The following ACOX1 variants were observed in gnomAD, a reference collection of about 807,000 sequenced individuals.
ACOX1 encodes the protein acyl-CoA oxidase 1.
ACOX1 carries 41 observed loss-of-function variants against 75.5 expected under a neutral mutation model. The ratio of observed to expected loss-of-function variants is 0.54; its 90% CI spans 0.42 to 0.70. The LOEUF is 0.70. ACOX1 is among the 30% of genes least tolerant of loss of function. ACOX1 has a pLI of 0.00. For synonymous variants in ACOX1, 303 were observed against 298.8 expected (o/e 1.01, Z -0.15); for missense variants, 630 against 837.5 (o/e 0.75, Z 3.06).
chr17:75,951,454 G>A lies in ACOX1; in HGVS notation c.1068C>T (p.Asn356=), dbSNP rs374533122. ...TCAGGTCCCCTTGACCAATGCCTTC[G>A]TTAATCCGGTGATAGGTCTCCTTCA... is the stretch of plus-strand genomic sequence containing the variant. The part of the protein sequence containing the change: ...AYMKETYHRI[N]EGIGQGDLSE... Residue 356 remains asparagine, a synonymous_variant, in exon 8 of 14, where the codon AAC becomes AAT. Transcript: ENST00000293217. The A allele has an allele frequency of 9.9e-5, 160 of 1,614,126 alleles. 2 individuals are homozygous for A. In the South Asian group the frequency reaches 1.4e-3, roughly 14 times the overall value.
chr17:75,949,997 T>C (rs2065759762), intron 9 of ACOX1, 100 bp from the exon 10 acceptor site: 3 of 1,308,892 alleles, frequency 2.3e-6, no homozygotes, highest in East Asian at 4.8e-5. Flanking sequence ...TGGAGTGCAA[T>C]GGCCAGATCT....
intron 4 of ACOX1, 111 bp downstream of exon 4, chr17:75,957,348 T>C: frequency 1.0e-6 from 1 of 999,544 alleles, no homozygotes; most frequent in Admixed American, 1.8e-5. Flanking sequence ...CCCAAAGTGT[T>C]AGGATTTCAC....
At chr17:75,949,636 T>C (rs1486978505) in intron 10 of ACOX1, 36 bp from the exon 11 acceptor site, 1 of 1,612,980 alleles carries the variant, frequency 6.2e-7, no homozygotes, top group African/African-American at 1.3e-5. Context: ...GAGGAAATGA[T>C]CAACAGTACT....
chr17:75,971,327 A>G (rs2065992473), intron 2 of ACOX1, among the ~76,000 whole-genome samples: 1 of 152,072 alleles, frequency 6.6e-6, no homozygotes, highest in South Asian at 2.1e-4. Context: ...ACTAAAAGCA[A>G]TAAGGGAACG....
chr17:75,977,172 A>G (rs2144325203), intron 2 of ACOX1, among the ~76,000 whole-genome samples: 1 of 148,930 alleles, frequency 6.7e-6, no homozygotes, highest in East Asian at 2.1e-4. Context: ...TAATTTTTGT[A>G]TTTTTAGTAG....
At chr17:75,963,006 C>T (rs1224531382) in intron 2 of ACOX1, among the ~76,000 whole-genome samples, 7 of 152,068 alleles carry the variant, frequency 4.6e-5, no homozygotes, top group African/African-American at 1.5e-4. Flanking sequence ...TGGTGGGTAC[C>T]TGTAATCCCA....
intron 2 of ACOX1, among the ~76,000 whole-genome samples, chr17:75,970,416 T>C (rs56237097): frequency 0.18 from 26,674 of 152,018 alleles, 2,763 homozygotes; most frequent in African/African-American, 0.3. Context: ...GAGGTGAGCC[T>C]ATCACCCAGG....
Position 75,960,081 on chromosome 17 carries a change from G to A in ACOX1, c.430+134C>T. 1 of 1,076,592 alleles carries A rather than the reference G, an allele frequency of 9.3e-7. No individual in the cohort carries two copies. Among genetic ancestry groups the A allele is most frequent in the Non-Finnish European group, 1.4e-6 (1 of 735,380 alleles). The allele number at this position is 1,076,592 out of a possible 1,614,324, so 66.7% of individuals were successfully genotyped here. On this transcript the variant is annotated intron_variant, in intron 3 of 13. Coordinates refer to ENST00000293217, the MANE Select transcript of ACOX1 (RefSeq NM_004035.7). The surrounding 1 kb of genome is among the most constrained non-coding windows in gnomAD (Gnocchi z 4.4). The stretch of plus-strand genomic sequence containing the variant: ...AAAGCAGTGTTTATACCAAAACCTG[G>A]ACTCTGCAGAAAGAGCTCATTTAAA...
intron 2 of ACOX1, among the ~76,000 whole-genome samples, chr17:75,967,106 T>C (rs934841672): frequency 6.7e-6 from 1 of 149,346 alleles, no homozygotes; most frequent in African/African-American, 2.5e-5. Flanking sequence ...TAGAAAACCA[T>C]GAGATTCATT....
rs768543241 is a variant in ACOX1, at chr17:75,978,851, G to A, written c.109+114C>T. On this transcript the variant is annotated intron_variant, in intron 1 of 13. Transcript: ENST00000293217. The surrounding 1 kb of genome is among the most constrained non-coding windows in gnomAD (Gnocchi z 4.2). Reference sequence around the variant, plus strand: ...GGCTGTTCCTCGAAGTGGGGGTCCCGGCTCCCCTAACGCTGGGCCAGAGGG... The same window carrying A: ...GGCTGTTCCTCGAAGTGGGGGTCCCAGCTCCCCTAACGCTGGGCCAGAGGG... The A allele has an allele frequency of 4.4e-6, 7 of 1,597,430 alleles. No individual in the cohort carries two copies. The highest frequency in any genetic ancestry group is 1.3e-5 in the African/African-American group (1 of 74,834).
At chr17:75,957,049 AC>A (rs1315503812) in intron 4 of ACOX1, among the ~76,000 whole-genome samples, 1 of 140,394 alleles carries the variant, frequency 7.1e-6, no homozygotes, top group Non-Finnish European at 1.5e-5. Context: ...ACACACACAC[AC>A]CCCTCTATGT....
intron 2 of ACOX1, among the ~76,000 whole-genome samples, chr17:75,965,255 G>C (rs1382214677): frequency 1.3e-5 from 2 of 149,600 alleles, no homozygotes; most frequent in East Asian, 4.0e-4. Context: ...GGAGAATGGC[G>C]TGAACCCAGG....
intron 2 of ACOX1, among the ~76,000 whole-genome samples, chr17:75,965,398 TA>T (rs1184093016): frequency 6.8e-6 from 1 of 147,550 alleles, no homozygotes. Flanking sequence ...GAAAAAAAGA[TA>T]AAAATAACAG....
rs919745498 is a variant in ACOX1 at position 75,946,511 on chromosome 17, C to A, written c.*237G>T. ...GCAGCATTACAAAAGGAAGTCATAT[C>A]GCATTTCTTAAGCTTTTTCTGAATG... On this transcript the variant is annotated 3_prime_UTR_variant, in exon 14 of 14. Coordinates refer to ENST00000293217, the MANE Select transcript of ACOX1 (RefSeq NM_004035.7). 2 of 504,516 alleles carry A rather than the reference C, an allele frequency of 4.0e-6. No individual in the cohort carries two copies. The highest frequency in any genetic ancestry group is 1.9e-5 in the African/African-American group (1 of 51,348). 31.3% of individuals were successfully genotyped at this position (504,516 alleles called of 1,614,324 possible).
intron 2 of ACOX1, among the ~76,000 whole-genome samples, chr17:75,967,741 TA>T (rs2065952135): frequency 6.9e-6 from 1 of 144,896 alleles, no homozygotes; most frequent in South Asian, 2.1e-4. Context: ...TATACACGTA[TA>T]TATATATATA....
intron 2 of ACOX1, among the ~76,000 whole-genome samples, chr17:75,970,177 A>T: frequency 6.9e-6 from 1 of 145,914 alleles, no homozygotes; most frequent in Admixed American, 7.0e-5. Context: ...GCAACATGAG[A>T]CTCCTTCAAA....
intron 2 of ACOX1, among the ~76,000 whole-genome samples, chr17:75,963,404 A>G (rs1036665137): frequency 4.6e-5 from 7 of 151,804 alleles, no homozygotes; most frequent in Admixed American, 4.6e-4. Flanking sequence ...AGCATGGACT[A>G]AAGACTGTGA....
intron 7 of ACOX1, among the ~76,000 whole-genome samples, chr17:75,951,809 T>C (rs1005344183): frequency 8.2e-5 from 7 of 85,480 alleles, no homozygotes; most frequent in African/African-American, 7.4e-4. Context: ...AAATTGAGGC[T>C]TTTTTTTTTT....
rs1360207238 is a variant in ACOX1 at position 75,941,515 on chromosome 17, A to G, written c.*5233T>C. Reference sequence around the variant, plus strand: ...AAAAAGATTAAGTCACATTTTTTCTAGTATGTGCTAATTATGAATTTTATT... The same window carrying G: ...AAAAAGATTAAGTCACATTTTTTCTGGTATGTGCTAATTATGAATTTTATT... On this transcript the variant is annotated 3_prime_UTR_variant, in exon 14 of 14. Coordinates refer to ENST00000293217, the MANE Select transcript of ACOX1 (RefSeq NM_004035.7). 6.6e-6 allele frequency: 1 copy of G among 152,240 alleles called. No homozygotes were observed. Among genetic ancestry groups the G allele is most frequent in the Non-Finnish European group, 1.5e-5 (1 of 68,050 alleles). The allele number at this position is 152,240 out of a possible 1,614,324, so 9.4% of individuals were successfully genotyped here.
Sources: allele counts gnomAD v4.1 joint callset (sites outside exome capture counted in the v4.1 genomes callset), GRCh38; gene constraint gnomAD v4.1.1; non-coding constraint Gnocchi (gnomAD v3.1); transcripts MANE v1.5; gene names NCBI Gene and HGNC (gene_info 2026-07-23, HGNC 2026-07-21).